The following LAPTM4B variants were observed in gnomAD, a reference collection of about 807,000 sequenced individuals.
LAPTM4B encodes the protein lysosomal-associated transmembrane protein 4B.
LAPTM4B carries 26 observed loss-of-function variants against 28.5 expected under a neutral mutation model. The ratio of observed to expected loss-of-function variants is 0.91; its 90% CI spans 0.67 to 1.27. The LOEUF (loss-of-function observed/expected upper bound fraction) is 1.27. Among genes scored for constraint, LAPTM4B ranks in the 50% most tolerant of loss-of-function variants. LAPTM4B has a pLI of 0.00. For missense variants in LAPTM4B, 288 were observed against 285.8 expected, an observed-to-expected ratio of 1.01 and a Z score of -0.06; for synonymous variants, 109 against 106.4, an observed-to-expected ratio of 1.02 and a Z score of -0.15.
At chr8:97,816,339 A>T (rs1816915452) in intron 4 of LAPTM4B, among the ~76,000 whole-genome samples, 159 bp downstream of exon 4, 2 of 149,522 alleles carry the variant, frequency 1.3e-5, no homozygotes, top group Non-Finnish European at 3.0e-5. Flanking sequence ...TTTGAGGTGG[A>T]GTCTTGCTCT....
chr8:97,834,070 T>C (rs892561291), intron 6 of LAPTM4B, among the ~76,000 whole-genome samples: 2 of 149,578 alleles, frequency 1.3e-5, no homozygotes, highest in Non-Finnish European at 3.0e-5. Flanking sequence ...GTAATTCTAG[T>C]GCTTTGGGAG....
At chr8:97,821,109 G>A (rs975322439) in intron 5 of LAPTM4B, among the ~76,000 whole-genome samples, 3 of 151,900 alleles carry the variant, frequency 2.0e-5, no homozygotes, top group African/African-American at 4.8e-5. Context: ...AGGCCAAGAC[G>A]GGTGGATCAC....
At chr8:97,823,058 G>A (rs995307463) in intron 5 of LAPTM4B, among the ~76,000 whole-genome samples, 5 of 151,992 alleles carry the variant, frequency 3.3e-5, no homozygotes, top group African/African-American at 1.2e-4. Flanking sequence ...AGCCAGGGTG[G>A]TCTCTATCTC....
At position 97,819,226 on chromosome 8, in the gene LAPTM4B, C is replaced by T; in HGVS notation, c.495C>T (p.Ile165=). The T allele has an allele frequency of 1.3e-6, 2 of 1,582,356 alleles. No individual in the cohort carries two copies. Among genetic ancestry groups the T allele is most frequent in the Non-Finnish European group, 1.7e-6 (2 of 1,153,176 alleles). ...VLIILLFISI[I]LTFKGYLISC... is the part of the protein sequence containing the mutation. ...TTATTCTTCTGTTTATTAGCATTAT[C>T]TTGACTTTTAAGGTAAGCATGAAGA... Residue 165 remains isoleucine, a synonymous_variant, in exon 5 of 7, where the codon ATC becomes ATT. Transcript: ENST00000521545.
rs142216663 is a variant in LAPTM4B, at chr8:97,801,447, G to T, written c.100-3906G>T. On this transcript the variant is annotated intron_variant, in intron 1 of 6. Transcript: ENST00000521545. ...TCCATCTGCCTCGGCCTCCTAAAGT[G>T]CTAGGATTACAGGCCACCATGCCCA... 4.6e-3 allele frequency among the ~76,000 whole-genome samples: 700 copies of T among 152,222 alleles called. 2 individuals carry two copies. Among genetic ancestry groups the T allele is most frequent in the African/African-American group, 0.016 (650 of 41,536 alleles).
chr8:97,780,713 TC>T, intron 1 of LAPTM4B, among the ~76,000 whole-genome samples: 1 of 152,292 alleles, frequency 6.6e-6, no homozygotes, highest in Non-Finnish European at 1.5e-5. Context: ...GAGCTTAAAA[TC>T]CCATGGTTGG....
chr8:97,782,927 T>C (rs1480771758), intron 1 of LAPTM4B, among the ~76,000 whole-genome samples: 4 of 148,708 alleles, frequency 2.7e-5, no homozygotes, highest in South Asian at 2.1e-4. Context: ...TATTTATTTA[T>C]TTATTTATTT....
intron 6 of LAPTM4B, among the ~76,000 whole-genome samples, chr8:97,846,485 G>C (rs1220077246): frequency 6.6e-6 from 1 of 151,986 alleles, no homozygotes; most frequent in Non-Finnish European, 1.5e-5. Flanking sequence ...GCGCCACCAC[G>C]CCCAGCTAAC....
intron 6 of LAPTM4B, among the ~76,000 whole-genome samples, chr8:97,841,307 T>C (rs1817346265): frequency 6.6e-6 from 1 of 152,248 alleles, no homozygotes; most frequent in African/African-American, 2.4e-5. Context: ...ATTTAAAAAG[T>C]TTGGAAAAAT....
At chr8:97,779,110 AG>A (rs1228905316) in intron 1 of LAPTM4B, among the ~76,000 whole-genome samples, 1 of 152,136 alleles carries the variant, frequency 6.6e-6, no homozygotes, top group Non-Finnish European at 1.5e-5. Flanking sequence ...TCCCAGCTTG[AG>A]TCCCAGGAGT....
At chr8:97,781,360 A>G (rs1323829777) in intron 1 of LAPTM4B, among the ~76,000 whole-genome samples, 1 of 136,208 alleles carries the variant, frequency 7.3e-6, no homozygotes, top group Non-Finnish European at 1.5e-5. Context: ...GCTCACTGCA[A>G]CCTTCGCCTC....
rs77727970 is a variant in LAPTM4B, at chr8:97,842,328, A to G, written c.604-9069A>G. On this transcript the variant is annotated intron_variant, in intron 6 of 6. Transcript: ENST00000521545. ...AATGGTGACAGGCCCTATTTGGCCCACATAGTTTACCAACCCCAGCCTTAC... is the reference window on the plus strand; with the variant it reads ...AATGGTGACAGGCCCTATTTGGCCCGCATAGTTTACCAACCCCAGCCTTAC... 4.6e-5 allele frequency among the ~76,000 whole-genome samples: 7 copies of G among 152,180 alleles called. No individual in the cohort carries two copies. In the East Asian group the frequency reaches 9.6e-4, roughly 21 times the overall value.
Position 97,805,451 on chromosome 8 carries a change from C to T in LAPTM4B, c.198C>T (p.Phe66=). 3 of 1,594,238 alleles carry T rather than the reference C, an allele frequency of 1.9e-6. No homozygotes were observed. Among genetic ancestry groups the T allele is most frequent in the Non-Finnish European group, 2.6e-6 (3 of 1,164,162 alleles). The change falls in exon 2 of 7, where the codon TTC becomes TTT. Residue 66 remains phenylalanine, a synonymous_variant. Coordinates refer to ENST00000521545, the MANE Select transcript of LAPTM4B (RefSeq NM_018407.6). ...SSSELGGDFE[F]MDDANMCIAI... is the part of the protein sequence containing the mutation. The stretch of plus-strand genomic sequence containing the variant: ...CTGAACTGGGAGGTGACTTTGAGTT[C>T]ATGGATGATGCCAGTAAGTAGTAGA...
chr8:97,794,734 G>C (rs986832480), intron 1 of LAPTM4B, among the ~76,000 whole-genome samples: 6 of 152,104 alleles, frequency 3.9e-5, no homozygotes, highest in Non-Finnish European at 8.8e-5. Flanking sequence ...TTTATTTTGA[G>C]ATGGAGTCTC....
At chr8:97,780,938 T>C (rs139810423) in intron 1 of LAPTM4B, among the ~76,000 whole-genome samples, 6 of 152,158 alleles carry the variant, frequency 3.9e-5, no homozygotes, top group African/African-American at 1.4e-4. Context: ...ATTCTAGAGA[T>C]CATTTTTTGT....
intron 2 of LAPTM4B, among the ~76,000 whole-genome samples, chr8:97,812,168 C>T (rs1427927102): frequency 6.7e-6 from 1 of 148,496 alleles, no homozygotes; most frequent in African/African-American, 2.5e-5. Flanking sequence ...TACTCTACAT[C>T]TTGACTTTTT....
At chr8:97,824,914 A>G (rs2129813060) in intron 5 of LAPTM4B, 144 bp from the exon 6 acceptor site, 2 of 515,660 alleles carry the variant, frequency 3.9e-6, no homozygotes, top group South Asian at 2.5e-5. Context: ...ACTTTCAGGG[A>G]CTTTTGGTTT....
intron 3 of LAPTM4B, 42 bp from the exon 4 acceptor site, chr8:97,816,016 T>A (rs767406397): frequency 6.8e-7 from 1 of 1,476,326 alleles, no homozygotes; most frequent in East Asian, 2.4e-5. Context: ...TATTGTTTTA[T>A]AATATTGAAC....
intron 6 of LAPTM4B, among the ~76,000 whole-genome samples, chr8:97,841,408 A>G (rs565494014): frequency 6.6e-6 from 1 of 152,214 alleles, no homozygotes; most frequent in African/African-American, 2.4e-5. Flanking sequence ...GCTTACTGCA[A>G]CCTCCACCTC....
Sources: gnomAD v4.1 joint callset for allele counts (sites outside exome capture counted in the v4.1 genomes callset) on GRCh38, gnomAD v4.1.1 for gene constraint, MANE v1.5 for transcripts, NCBI Gene and HGNC (gene_info 2026-07-23, HGNC 2026-07-21) for gene names.